SAMTOR: variants seen among roughly 807,000 people sequenced by gnomAD.
The protein encoded by SAMTOR is UPF0532 protein C7orf60.
the SAMTOR span, among the ~76,000 whole-genome samples, chr7:112,854,307 G>A: frequency 1.3e-5 from 2 of 152,102 alleles, no homozygotes; most frequent in Admixed American, 6.6e-5. Flanking sequence ...ATTGCAATGT[G>A]TAAGCCAGAA....
At chr7:112,875,546 GAAT>G in the SAMTOR span, among the ~76,000 whole-genome samples, 1 of 152,088 alleles carries the variant, frequency 6.6e-6, no homozygotes, top group Non-Finnish European at 1.5e-5. Flanking sequence ...TACAGGTACA[GAAT>G]AATATGTGCT....
chr7:112,921,206 G>T, the SAMTOR span, among the ~76,000 whole-genome samples: 32 of 152,230 alleles, frequency 2.1e-4, 1 homozygote, highest in South Asian at 6.4e-3. Context: ...ATACTACAAG[G>T]CTACAGTAAC....
chr7:112,822,728 C>T, the SAMTOR span, among the ~76,000 whole-genome samples: 1 of 151,696 alleles, frequency 6.6e-6, no homozygotes, highest in East Asian at 1.9e-4. Flanking sequence ...TTTACAGTTA[C>T]CAAAAACAAA....
the SAMTOR span, among the ~76,000 whole-genome samples, chr7:112,828,674 A>C: frequency 1.3e-5 from 2 of 152,198 alleles, no homozygotes; most frequent in Non-Finnish European, 2.9e-5. Context: ...TTAAACAACA[A>C]GAGAAAATCT....
At chr7:112,847,998 A>G in the SAMTOR span, among the ~76,000 whole-genome samples, 1 of 152,178 alleles carries the variant, frequency 6.6e-6, no homozygotes, top group East Asian at 1.9e-4. Context: ...AAATTAAAAA[A>G]TTAGCATTAC....
At chr7:112,894,113 C>T in the SAMTOR span, among the ~76,000 whole-genome samples, 1 of 149,240 alleles carries the variant, frequency 6.7e-6, no homozygotes, top group African/African-American at 2.5e-5. Flanking sequence ...TATTAACTGG[C>T]CAAATTTCCC....
chr7:112,854,140 G>GA, the SAMTOR span, among the ~76,000 whole-genome samples: 1 of 151,932 alleles, frequency 6.6e-6, no homozygotes, highest in Non-Finnish European at 1.5e-5. Flanking sequence ...AGGAACAGCA[G>GA]AAAAAAATAG....
the SAMTOR span, among the ~76,000 whole-genome samples, chr7:112,907,959 T>C: frequency 6.6e-6 from 1 of 152,180 alleles, no homozygotes; most frequent in East Asian, 1.9e-4. Context: ...GCATTTAATC[T>C]CCATTCCTGC....
the SAMTOR span, among the ~76,000 whole-genome samples, chr7:112,860,068 A>G: frequency 6.6e-6 from 1 of 152,142 alleles, no homozygotes; most frequent in East Asian, 1.9e-4. Flanking sequence ...ATCTTTTATA[A>G]TCATATTTCT....
At chr7:112,874,965 A>G in the SAMTOR span, among the ~76,000 whole-genome samples, 3 of 152,114 alleles carry the variant, frequency 2.0e-5, no homozygotes, top group Non-Finnish European at 4.4e-5. Context: ...TAAGCATGCA[A>G]TCACAGGGGG....
chr7:112,898,741 T>G, the SAMTOR span, among the ~76,000 whole-genome samples: 1 of 152,144 alleles, frequency 6.6e-6, no homozygotes, highest in Non-Finnish European at 1.5e-5. Flanking sequence ...CAGACCAGCA[T>G]AAACAGACAC....
chr7:112,921,797 T>A, the SAMTOR span, among the ~76,000 whole-genome samples: 1 of 73,716 alleles, frequency 1.4e-5, no homozygotes, highest in Middle Eastern at 5.8e-3. Flanking sequence ...CAGACACTTC[T>A]CAAAAGAAGA....
chr7:112,860,314 C>CTA, the SAMTOR span, among the ~76,000 whole-genome samples: 39 of 151,954 alleles, frequency 2.6e-4, no homozygotes, highest in East Asian at 7.7e-4. Context: ...TGACACATGG[C>CTA]TATATATATA....
At chr7:112,880,939 CG>C in the SAMTOR span, among the ~76,000 whole-genome samples, 1 of 152,072 alleles carries the variant, frequency 6.6e-6, no homozygotes, top group Non-Finnish European at 1.5e-5. Flanking sequence ...TGGCAGGATC[CG>C]GGAACAGGTG....
chr7:112,852,335 A>G, the SAMTOR span, among the ~76,000 whole-genome samples: 11 of 152,108 alleles, frequency 7.2e-5, no homozygotes, highest in African/African-American at 2.7e-4. Flanking sequence ...GGAGGCCATG[A>G]CCTTAAGTAT....
At chr7:112,821,022 A>G in the SAMTOR span, 1 of 152,480 alleles carries the variant, frequency 6.6e-6, no homozygotes, top group African/African-American at 2.4e-5. Flanking sequence ...TATACTTCAC[A>G]CCAAGGCCCA....
chr7:112,861,180 T>C, the SAMTOR span, among the ~76,000 whole-genome samples: 1 of 152,194 alleles, frequency 6.6e-6, no homozygotes, highest in African/African-American at 2.4e-5. Flanking sequence ...ATCTCTTATT[T>C]ATAGCACAAA....
the SAMTOR span, among the ~76,000 whole-genome samples, chr7:112,848,224 T>C: frequency 1.3e-5 from 2 of 152,168 alleles, no homozygotes; most frequent in Non-Finnish European, 2.9e-5. Context: ...TATAAATATA[T>C]AGCTATTGAA....
chr7:112,864,005 C>T, the SAMTOR span, among the ~76,000 whole-genome samples: 2 of 152,176 alleles, frequency 1.3e-5, no homozygotes, highest in South Asian at 4.1e-4. Flanking sequence ...AACCTAAATG[C>T]CCGTCAACAG....
Sources: allele counts gnomAD v4.1 joint callset (sites outside exome capture counted in the v4.1 genomes callset), GRCh38; gene constraint gnomAD v4.1.1; transcripts MANE v1.5; gene names NCBI Gene and HGNC (gene_info 2026-07-23, HGNC 2026-07-21).